The following ARFGEF2 variants were observed in gnomAD, a reference collection of about 807,000 sequenced individuals.
The protein encoded by ARFGEF2 is brefeldin A-inhibited guanine nucleotide-exchange protein 2.
ARFGEF2 carries 74 observed loss-of-function variants against 219.9 expected under a neutral mutation model. That is an observed-to-expected ratio of 0.34 (90% confidence interval 0.28 to 0.41). ARFGEF2 has a LOEUF of 0.41. Among genes scored for constraint, ARFGEF2 ranks in the 10% least tolerant of loss-of-function variants. The pLI is 1.00. For missense variants in ARFGEF2, 1,743 were observed against 2,218.3 expected, an observed-to-expected ratio of 0.79 and a Z score of 4.30; for synonymous variants, 733 against 799.2, an observed-to-expected ratio of 0.92 and a Z score of 1.40.
chr20:49,027,756 G>T (rs200751713), intron 36 of ARFGEF2, among the ~76,000 whole-genome samples: 1 of 63,592 alleles, frequency 1.6e-5, no homozygotes, highest in Non-Finnish European at 3.2e-5. Context: ...AAGTTATCTT[G>T]TAATACAGAG....
chr20:48,948,858 G>T (rs1241840849), intron 3 of ARFGEF2, among the ~76,000 whole-genome samples: 1 of 152,248 alleles, frequency 6.6e-6, no homozygotes, highest in Non-Finnish European at 1.5e-5. Flanking sequence ...ACAAGGTGGG[G>T]ACATCTACCT....
chr20:48,998,480 A>T lies in ARFGEF2; in HGVS notation c.3407A>T (p.His1136Leu). 1 of 1,613,940 alleles carries T rather than the reference A, an allele frequency of 6.2e-7. No individual in the cohort carries two copies. Among genetic ancestry groups the T allele is most frequent in the Non-Finnish European group, 8.5e-7 (1 of 1,179,994 alleles). Reference sequence around the variant, plus strand: ...CGACTACAGTGGTCTCGAATATGGCATGTGATTGGAGATCACTTCAATAAG... The same window carrying T: ...CGACTACAGTGGTCTCGAATATGGCTTGTGATTGGAGATCACTTCAATAAG... ...RIRLQWSRIW[H>L]VIGDHFNKVG... is the part of the protein sequence containing the mutation. The change falls in exon 25 of 39, where the codon CAT becomes CTT. Residue 1136 changes from histidine (H) to leucine (L), a missense_variant. Physicochemically the swap from His to Leu is moderately conservative, Grantham distance 99 (BLOSUM62 -3). This residue lies in a region of ARFGEF2 where 102 missense variants were observed against 146.8 expected (regional missense o/e 0.69). Coordinates refer to ENST00000371917, the MANE Select transcript of ARFGEF2 (RefSeq NM_006420.3).
chr20:48,990,249 G>A (rs898619210), intron 20 of ARFGEF2, among the ~76,000 whole-genome samples: 1 of 152,096 alleles, frequency 6.6e-6, no homozygotes, highest in African/African-American at 2.4e-5. Context: ...AGCAGACTTC[G>A]TGTTCATCTG....
At chr20:48,963,211 C>T (rs2091165606) in intron 6 of ARFGEF2, among the ~76,000 whole-genome samples, 1 of 140,808 alleles carries the variant, frequency 7.1e-6, no homozygotes, top group Admixed American at 6.9e-5. Context: ...TTCTAAATAT[C>T]TGGTCAAGAA....
At chr20:49,000,724 T>C (rs2091420107) in intron 25 of ARFGEF2, among the ~76,000 whole-genome samples, 1 of 152,236 alleles carries the variant, frequency 6.6e-6, no homozygotes, top group African/African-American at 2.4e-5. Flanking sequence ...GGCTAGCAAC[T>C]GTGGAATCCT....
chr20:48,960,729 C>T (rs1373527672), intron 6 of ARFGEF2, among the ~76,000 whole-genome samples: 7 of 151,158 alleles, frequency 4.6e-5, no homozygotes, highest in Non-Finnish European at 8.9e-5. Flanking sequence ...GTGATCCACC[C>T]GCCTTGGCCT....
intron 34 of ARFGEF2, among the ~76,000 whole-genome samples, chr20:49,021,720 G>T (rs560157765): frequency 6.6e-6 from 1 of 151,566 alleles, no homozygotes; most frequent in Admixed American, 6.6e-5. Context: ...ATGGTGCCGG[G>T]TGCCTGTAGT....
At chr20:48,972,653 C>T (rs1242660018) in intron 11 of ARFGEF2, among the ~76,000 whole-genome samples, 1 of 152,164 alleles carries the variant, frequency 6.6e-6, no homozygotes, top group African/African-American at 2.4e-5. Context: ...TCCCAGAAAC[C>T]CCCTAATCTC....
At position 49,010,234 on chromosome 20, in the gene ARFGEF2, C is replaced by T; in HGVS notation, c.3587C>T (p.Ser1196Phe). The change falls in exon 27 of 39, where the codon TCT becomes TTT. Residue 1196 changes from serine to phenylalanine, a missense_variant and splice_region_variant. Ser to Phe is a radical substitution (Grantham distance 155). This residue lies in a region of ARFGEF2 where 102 missense variants were observed against 146.8 expected (regional missense o/e 0.69). Transcript: ENST00000371917. ...TGGCCGTCCCATTCTTTCCTCAGGT[C>T]TCCCACCATCCGGGACATGGCGATC... ...PFEHIMKKNR[S>F]PTIRDMAIRC... 1 of 1,613,228 alleles carries T rather than the reference C, an allele frequency of 6.2e-7. No homozygotes were observed. The highest frequency in any genetic ancestry group is 8.5e-7 in the Non-Finnish European group (1 of 1,179,288).
intron 14 of ARFGEF2, among the ~76,000 whole-genome samples, chr20:48,979,025 TGAGA>T (rs1307789290): frequency 6.6e-6 from 1 of 152,218 alleles, no homozygotes; most frequent in Non-Finnish European, 1.5e-5. Flanking sequence ...ATGGGAGTGG[TGAGA>T]GACAGCATCC....
chr20:48,937,554 T>C (rs2090966692), intron 1 of ARFGEF2, among the ~76,000 whole-genome samples: 1 of 151,966 alleles, frequency 6.6e-6, no homozygotes, highest in Non-Finnish European at 1.5e-5. Flanking sequence ...GGCCTCAAGA[T>C]TTTTTTTTCT....
chr20:48,972,849 A>T (rs1214806140), intron 11 of ARFGEF2, among the ~76,000 whole-genome samples: 3 of 152,186 alleles, frequency 2.0e-5, no homozygotes, highest in East Asian at 3.8e-4. Context: ...ATTTTGTAAG[A>T]GTGACACAAC....
chr20:49,029,784 G>C (rs6063348), intron 37 of ARFGEF2, among the ~76,000 whole-genome samples: 59,188 of 151,672 alleles, frequency 0.39, 11,658 homozygotes, highest in Middle Eastern at 0.51. Context: ...GTGGAGATGG[G>C]GTTTCACCAT....
At chr20:48,972,286 A>G in intron 10 of ARFGEF2, 40 bp from the exon 11 acceptor site, 8 of 1,455,214 alleles carry the variant, frequency 5.5e-6, no homozygotes, top group Non-Finnish European at 6.8e-6. Context: ...CCTGGTTGAA[A>G]CTGTTAATTA....
At position 48,952,718 on chromosome 20, in the gene ARFGEF2, C is replaced by T. The variant is rs1201196534; in HGVS notation, c.437C>T (p.Ala146Val). 2 of 1,614,106 alleles carry T rather than the reference C, an allele frequency of 1.2e-6. No homozygotes were observed. Among genetic ancestry groups the T allele is most frequent in the South Asian group, 1.1e-5 (1 of 91,092 alleles). ...TTTCTATTTTAGGCTCTTCTGACTG[C>T]AGTGACTTCCCCACACATTGAAATT... ...QLQIIKALLT[A>V]VTSPHIEIHE... Residue 146 changes from alanine to valine, a missense_variant, in exon 5 of 39, where the codon GCA becomes GTA. By Grantham distance (64) the Ala-to-Val change is moderately conservative. Around this residue, in one of 5 missense-constraint regions of ARFGEF2, gnomAD observed 394 missense variants for 426.6 expected, o/e 0.92. Coordinates refer to ENST00000371917, the MANE Select transcript of ARFGEF2 (RefSeq NM_006420.3).
chr20:49,030,062 C>G (rs1246954546), intron 37 of ARFGEF2, among the ~76,000 whole-genome samples: 1 of 150,114 alleles, frequency 6.7e-6, no homozygotes, highest in Admixed American at 6.6e-5. Context: ...CGTGTGCCAT[C>G]ACACACCTGG....
At chr20:48,965,379 T>C (rs548268994) in intron 7 of ARFGEF2, among the ~76,000 whole-genome samples, 1 of 152,370 alleles carries the variant, frequency 6.6e-6, no homozygotes, top group Non-Finnish European at 1.5e-5. Flanking sequence ...CTTTCCTTCA[T>C]TAAATGATGA....
intron 22 of ARFGEF2, among the ~76,000 whole-genome samples, chr20:48,995,216 T>C (rs900688366): frequency 5.3e-5 from 8 of 152,174 alleles, no homozygotes; most frequent in African/African-American, 9.7e-5. Context: ...TGAAAAGATA[T>C]GAGCAGCATC....
intron 27 of ARFGEF2, 97 bp from the exon 28 acceptor site, chr20:49,011,827 A>ATG (rs1422945521): frequency 2.4e-6 from 3 of 1,251,708 alleles, no homozygotes; most frequent in African/African-American, 1.6e-5. Context: ...ATTATCTCTG[A>ATG]TGTATGTGTG....
Sources: gnomAD v4.1 joint callset for allele counts (sites outside exome capture counted in the v4.1 genomes callset) on GRCh38, gnomAD v4.1.1 for gene constraint, gnomAD v4.1.1 regional missense constraint, MANE v1.5 for transcripts, NCBI Gene and HGNC (gene_info 2026-07-23, HGNC 2026-07-21) for gene names.